Variants in ERBIN observed in about 807,000 individuals in gnomAD.
ERBIN encodes the protein densin-180-like protein.
In ERBIN, 60 loss-of-function variants were observed where a neutral mutation model predicts 158.4. That is an observed-to-expected ratio of 0.38 (90% confidence interval 0.31 to 0.47). The LOEUF (loss-of-function observed/expected upper bound fraction) is 0.47. ERBIN is among the 20% of genes least tolerant of loss of function. The probability of loss-of-function intolerance (pLI) is 0.99; values close to 1 mark genes in which losing one functional copy is unlikely to be tolerated. For synonymous variants in ERBIN, 594 were observed against 557.2 expected, an observed-to-expected ratio of 1.07 and a Z score of -0.93; for missense variants, 1,610 against 1,648.0, an observed-to-expected ratio of 0.98 and a Z score of 0.40.
rs764650724 is a variant in ERBIN at position 66,024,410 on chromosome 5, A to G, written c.777A>G (p.Leu259=). 1.1e-5 allele frequency: 17 copies of G among 1,603,436 alleles called. No homozygotes were observed. Among genetic ancestry groups the G allele is most frequent in the Middle Eastern group, 1.7e-4 (1 of 6,032 alleles). ...ISTCENLQDL[L]LSSNSLQQLP... ...CATGTGAAAACCTTCAAGACCTCCT[A>G]TTATCAAGCAATTCACTTCAGCAGC... The change falls in exon 10 of 26, where the codon CTA becomes CTG. Residue 259 remains leucine, a synonymous_variant. Coordinates refer to ENST00000284037, the MANE Select transcript of ERBIN (RefSeq NM_001253697.2).
chr5:65,977,919 C>CCGAGGCTGGCGGAT (rs574078534), intron 1 of ERBIN, among the ~76,000 whole-genome samples: 1,654 of 146,242 alleles, frequency 0.011, 25 homozygotes, highest in African/African-American at 0.04. Context: ...CCTCAGGAGG[C>CCGAGGCTGGCGGAT]CGAGGCTGGC....
At chr5:65,968,390 T>C (rs553856554) in intron 1 of ERBIN, among the ~76,000 whole-genome samples, 13 of 152,288 alleles carry the variant, frequency 8.5e-5, no homozygotes, top group Non-Finnish European at 1.6e-4. Context: ...GTGGAAAATA[T>C]ATTTAAGTAC....
chr5:66,012,224 A>T (rs1441344056), intron 5 of ERBIN, 97 bp downstream of exon 5: 1 of 775,300 alleles, frequency 1.3e-6, no homozygotes, highest in East Asian at 2.7e-5. Context: ...ATTTTATATC[A>T]ATCTTAAGTC....
chr5:66,011,143 A>T (rs1293651088), intron 4 of ERBIN, among the ~76,000 whole-genome samples: 2 of 152,176 alleles, frequency 1.3e-5, no homozygotes, highest in Admixed American at 1.3e-4. Flanking sequence ...AGCAGTTATC[A>T]TATTTTTAGC....
intron 4 of ERBIN, among the ~76,000 whole-genome samples, chr5:66,007,536 T>TA (rs551624982): frequency 0.013 from 1,711 of 129,396 alleles, 11 homozygotes; most frequent in Non-Finnish European, 0.02. Flanking sequence ...CCCTAAAACT[T>TA]AAAGTATAAT....
chr5:65,993,619 T>C (rs1284693677), intron 3 of ERBIN, among the ~76,000 whole-genome samples: 1 of 152,070 alleles, frequency 6.6e-6, no homozygotes, highest in East Asian at 1.9e-4. Flanking sequence ...ATATATTTAA[T>C]TGTTGGGATC....
chr5:65,963,465 G>A (rs1016875654), intron 1 of ERBIN, among the ~76,000 whole-genome samples: 3 of 152,058 alleles, frequency 2.0e-5, no homozygotes, highest in African/African-American at 4.8e-5. Context: ...GGGCATGGTG[G>A]CAGGTGCCTG....
chr5:66,043,226 T>C (rs1758090917), intron 16 of ERBIN, 28 bp downstream of exon 16: 2 of 1,605,602 alleles, frequency 1.2e-6, no homozygotes, highest in South Asian at 2.2e-5. Context: ...TCTTTAAAAT[T>C]TGAAACAAGT....
rs75060345 is a variant in ERBIN, at chr5:65,994,885, A to G, written c.307+21A>G. On this transcript the variant is annotated intron_variant, in intron 4 of 25. Transcript: ENST00000284037. The stretch of plus-strand genomic sequence containing the variant: ...GAATGGTAAGGCTTTTTTTGCCCAT[A>G]ATTTTTTGTACTTGGGAACATGTTT... 6.0e-3 allele frequency: 8,613 copies of G among 1,439,678 alleles called. 42 individuals carry two copies. The highest frequency in any genetic ancestry group is 0.023 in the East Asian group (997 of 43,120). The allele number at this position is 1,439,678 out of a possible 1,614,324, so 89.2% of individuals were successfully genotyped here. A position where few individuals can be genotyped will look rare whatever the true frequency, so the allele number is the denominator to read the frequency against.
chr5:65,959,427 A>G (rs1355707680), intron 1 of ERBIN, among the ~76,000 whole-genome samples: 1 of 152,220 alleles, frequency 6.6e-6, no homozygotes, highest in East Asian at 1.9e-4. Flanking sequence ...GTCCTTTGTC[A>G]TATGTTTTAT....
intron 1 of ERBIN, among the ~76,000 whole-genome samples, chr5:65,953,549 G>C (rs1373270465): frequency 2.0e-5 from 3 of 152,114 alleles, no homozygotes; most frequent in Non-Finnish European, 4.4e-5. Context: ...AACTACAGTG[G>C]TCGTCCAAGT....
rs1165557455 is a variant in ERBIN at position 66,080,418 on chromosome 5, ATAG to A, written c.*1892_*1894del. On this transcript the variant is annotated 3_prime_UTR_variant, in exon 26 of 26. Transcript: ENST00000284037. ...TACATAGGAATTGATTTTTATGGAT[ATAG>A]TAGAAGAAATGTGCTGTATTTTGAT... 4.6e-5 allele frequency: 7 copies of A among 152,236 alleles called. No homozygotes were observed. Among genetic ancestry groups the A allele is most frequent in the African/African-American group, 1.4e-4 (6 of 41,390 alleles). 9.4% of individuals were successfully genotyped at this position (152,236 alleles called of 1,614,324 possible).
chr5:65,965,397 T>G (rs1401811073), intron 1 of ERBIN, among the ~76,000 whole-genome samples: 2 of 7,368 alleles, frequency 2.7e-4, no homozygotes, highest in African/African-American at 6.2e-4. Context: ...TTTTTTTTTT[T>G]TTTTTTTTTT....
intron 1 of ERBIN, among the ~76,000 whole-genome samples, chr5:65,941,411 A>G (rs937107407): frequency 6.6e-6 from 1 of 151,746 alleles, no homozygotes; most frequent in South Asian, 2.1e-4. Flanking sequence ...TAATTTAGAG[A>G]TGATTTAAGG....
At chr5:65,940,908 G>A (rs1744918793) in intron 1 of ERBIN, among the ~76,000 whole-genome samples, 1 of 152,160 alleles carries the variant, frequency 6.6e-6, no homozygotes, top group African/African-American at 2.4e-5. Flanking sequence ...TGAGAAATTG[G>A]ATGGTTGCCA....
chr5:66,011,324 A>C (rs548023590), intron 4 of ERBIN, among the ~76,000 whole-genome samples: 4 of 152,160 alleles, frequency 2.6e-5, no homozygotes, highest in Non-Finnish European at 4.4e-5. Context: ...TTCCTCTTCT[A>C]TCTGCAGCTT....
chr5:66,077,113 T>C (rs1240236718), intron 25 of ERBIN, among the ~76,000 whole-genome samples, 164 bp downstream of exon 25: 1 of 148,262 alleles, frequency 6.7e-6, no homozygotes, highest in Non-Finnish European at 1.5e-5. Flanking sequence ...ATCGCGCCAC[T>C]GTACTCCAGC....
chr5:66,046,643 C>T, intron 18 of ERBIN, 105 bp downstream of exon 18: 2 of 905,878 alleles, frequency 2.2e-6, no homozygotes, highest in Non-Finnish European at 3.2e-6. Flanking sequence ...TATGTTAATG[C>T]ATTCATCATT....
rs1441312098 is a variant in ERBIN at position 66,026,329 on chromosome 5, C to T, written c.1048C>T (p.Leu350=). 1 of 1,592,174 alleles carries T rather than the reference C, an allele frequency of 6.3e-7. No homozygotes were observed. The highest frequency in any genetic ancestry group is 8.5e-7 in the Non-Finnish European group (1 of 1,171,240). ...TGGAAGCTGGAAAAATATAACTGTG[C>T]TGTTTCTCCATTCCAATAAACTTGA... ...EIGSWKNITV[L]FLHSNKLETL... The change falls in exon 13 of 26, where the codon CTG becomes TTG. Residue 350 remains leucine (L), a synonymous_variant. Transcript: ENST00000284037.
Sources: gnomAD v4.1 joint callset for allele counts (sites outside exome capture counted in the v4.1 genomes callset) on GRCh38, gnomAD v4.1.1 for gene constraint, MANE v1.5 for transcripts, NCBI Gene and HGNC (gene_info 2026-07-23, HGNC 2026-07-21) for gene names.